SH3GL2: variants seen among roughly 807,000 people sequenced by gnomAD.
The protein encoded by SH3GL2 is endophilin-A1.
Under a neutral mutation model 46.0 loss-of-function variants are expected in SH3GL2, and 24 were observed. That is an observed-to-expected ratio of 0.52 (90% CI 0.38 to 0.73). The LOEUF is 0.73. Ranked by LOEUF, SH3GL2 falls within the 30% of genes least tolerant of loss-of-function variation. SH3GL2 has a pLI of 0.00. For synonymous variants in SH3GL2, 196 were observed against 147.1 expected (o/e 1.33, Z -2.40); for missense variants, 413 against 424.2 (o/e 0.97, Z 0.23).
chr9:17,631,522 A>G (rs911605485), intron 1 of SH3GL2, among the ~76,000 whole-genome samples: 14 of 152,144 alleles, frequency 9.2e-5, no homozygotes, highest in African/African-American at 3.1e-4. Flanking sequence ...ATAAGGACTC[A>G]ATTTGTAGGT....
At chr9:17,617,104 C>T (rs1468094347) in intron 1 of SH3GL2, among the ~76,000 whole-genome samples, 1 of 152,174 alleles carries the variant, frequency 6.6e-6, no homozygotes, top group Non-Finnish European at 1.5e-5. Context: ...GTTTTTACTT[C>T]ATGTGCTCTG....
intron 1 of SH3GL2, among the ~76,000 whole-genome samples, chr9:17,633,858 G>C (rs1333694849): frequency 2.0e-5 from 3 of 152,176 alleles, no homozygotes; most frequent in Non-Finnish European, 4.4e-5. Context: ...ATATTTCTAA[G>C]TATCCAAGTC....
intron 1 of SH3GL2, among the ~76,000 whole-genome samples, chr9:17,610,869 CTTTATA>C (rs1327892071): frequency 1.3e-5 from 2 of 151,952 alleles, no homozygotes; most frequent in African/African-American, 2.4e-5. Flanking sequence ...TTGGTGAATA[CTTTATA>C]TTTAGTAATC....
chr9:17,744,347 C>T (rs767661555), intron 1 of SH3GL2, among the ~76,000 whole-genome samples: 1 of 151,746 alleles, frequency 6.6e-6, no homozygotes, highest in East Asian at 1.9e-4. Context: ...TGAATATGCT[C>T]GTCAACTCAC....
chr9:17,750,621 T>C (rs894679687), intron 2 of SH3GL2, among the ~76,000 whole-genome samples: 2 of 152,200 alleles, frequency 1.3e-5, no homozygotes, highest in African/African-American at 4.8e-5. Context: ...CTTACAAGCT[T>C]TGTTAAACAC....
chr9:17,646,833 C>T (rs973849401), intron 1 of SH3GL2, among the ~76,000 whole-genome samples: 7 of 152,210 alleles, frequency 4.6e-5, no homozygotes, highest in Admixed American at 1.3e-4. Context: ...GATGTCTCCC[C>T]ATCAGGAGGC....
At chr9:17,772,852 A>G (rs1056504074) in intron 3 of SH3GL2, among the ~76,000 whole-genome samples, 18 of 152,214 alleles carry the variant, frequency 1.2e-4, no homozygotes, top group African/African-American at 4.1e-4. Flanking sequence ...TATTTTGGGT[A>G]GATATCCAGA....
At chr9:17,623,167 C>T (rs767352941) in intron 1 of SH3GL2, among the ~76,000 whole-genome samples, 2 of 150,280 alleles carry the variant, frequency 1.3e-5, no homozygotes, top group South Asian at 2.1e-4. Context: ...GTTCTTTCCC[C>T]TTGTCCTTCC....
At chr9:17,681,541 C>G (rs1017916811) in intron 1 of SH3GL2, among the ~76,000 whole-genome samples, 2 of 152,066 alleles carry the variant, frequency 1.3e-5, no homozygotes, top group African/African-American at 4.8e-5. Flanking sequence ...ACACCTTATA[C>G]AAAAGTTAAC....
rs182047864 is a variant in SH3GL2 at position 17,612,047 on chromosome 9, A to G, written c.45+32760A>G. Among the ~76,000 whole-genome samples, 681 of 152,276 alleles carry G rather than the reference A, an allele frequency of 4.5e-3. 9 individuals carry two copies. The highest frequency in any genetic ancestry group is 0.015 in the African/African-American group (641 of 41,556). On this transcript the variant is annotated intron_variant, in intron 1 of 8. Coordinates refer to ENST00000380607, the MANE Select transcript of SH3GL2 (RefSeq NM_003026.5). Reference sequence around the variant, plus strand: ...GTTGTGCATATGGGGAAATTCTCAGAGAGAGGAGGTGCCTGGGGGAAGGTT... The same window carrying G: ...GTTGTGCATATGGGGAAATTCTCAGGGAGAGGAGGTGCCTGGGGGAAGGTT...
chr9:17,768,698 C>T (rs1823389034), intron 3 of SH3GL2, among the ~76,000 whole-genome samples: 1 of 152,144 alleles, frequency 6.6e-6, no homozygotes, highest in Non-Finnish European at 1.5e-5. Context: ...TATGGGCCCT[C>T]ATCTGCCCCT....
chr9:17,759,532 C>T (rs1393396732), intron 2 of SH3GL2, among the ~76,000 whole-genome samples: 3 of 152,132 alleles, frequency 2.0e-5, no homozygotes, highest in Non-Finnish European at 2.9e-5. Context: ...GGAACTAGAA[C>T]TGGGGAAGTT....
intron 1 of SH3GL2, among the ~76,000 whole-genome samples, chr9:17,733,040 C>T (rs775886313): frequency 1.3e-5 from 2 of 152,084 alleles, no homozygotes; most frequent in African/African-American, 4.8e-5. Flanking sequence ...GCCTTCCCCA[C>T]TCTTCAGCAC....
chr9:17,623,445 A>C (rs1819205230), intron 1 of SH3GL2, among the ~76,000 whole-genome samples: 1 of 152,176 alleles, frequency 6.6e-6, no homozygotes, highest in Admixed American at 6.5e-5. Context: ...TATCAATCTT[A>C]GGGAATGAAT....
intron 1 of SH3GL2, among the ~76,000 whole-genome samples, chr9:17,609,594 A>T (rs1037922018): frequency 1.2e-4 from 19 of 152,232 alleles, no homozygotes; most frequent in Non-Finnish European, 2.4e-4. Context: ...AAGGTTTAAC[A>T]AAACATCTCT....
At chr9:17,587,142 C>T (rs1818393124) in intron 1 of SH3GL2, among the ~76,000 whole-genome samples, 1 of 152,176 alleles carries the variant, frequency 6.6e-6, no homozygotes. Flanking sequence ...GCGGAGGCTA[C>T]AGTGAGCCAA....
intron 2 of SH3GL2, among the ~76,000 whole-genome samples, chr9:17,749,424 C>T (rs868447220): frequency 1.3e-5 from 2 of 152,158 alleles, no homozygotes; most frequent in South Asian, 4.1e-4. Flanking sequence ...TGCTTGATCC[C>T]TCCTTGTACT....
chr9:17,593,930 C>A (rs1368700220), intron 1 of SH3GL2, among the ~76,000 whole-genome samples: 9 of 152,192 alleles, frequency 5.9e-5, no homozygotes, highest in Non-Finnish European at 1.3e-4. Context: ...TTGATCTCAA[C>A]TTCTTCCTCC....
intron 1 of SH3GL2, among the ~76,000 whole-genome samples, chr9:17,649,154 G>A (rs1476778136): frequency 6.6e-6 from 1 of 152,210 alleles, no homozygotes. Context: ...ACAGTGGACA[G>A]TGACATGATC....
Sources: allele counts gnomAD v4.1 joint callset (sites outside exome capture counted in the v4.1 genomes callset), GRCh38; gene constraint gnomAD v4.1.1; transcripts MANE v1.5; gene names NCBI Gene and HGNC (gene_info 2026-07-23, HGNC 2026-07-21).